Variants in EDN1 observed in about 807,000 individuals in gnomAD.
EDN1 encodes the protein endothelin 1, also known as endothelin-1.
In EDN1, 11 loss-of-function variants were observed where a neutral mutation model predicts 21.7. That is an observed-to-expected ratio of 0.51 (90% CI 0.32 to 0.84). The LOEUF (loss-of-function observed/expected upper bound fraction) is 0.84, where lower values mean the gene tolerates loss of function less well. Among genes scored for constraint, EDN1 ranks in the 40% least tolerant of loss-of-function variants. The pLI is 0.03. For synonymous variants in EDN1, 85 were observed against 90.6 expected (o/e 0.94, Z 0.35); for missense variants, 244 against 262.3 (o/e 0.93, Z 0.48).
At chr6:12,275,612 A>G in the EDN1 span, among the ~76,000 whole-genome samples, 1 of 152,142 alleles carries the variant, frequency 6.6e-6, no homozygotes, top group Non-Finnish European at 1.5e-5. Context: ...TATAAATGTA[A>G]CGTTTCTCAC....
chr6:12,253,631 A>G, the EDN1 span, among the ~76,000 whole-genome samples: 5 of 152,350 alleles, frequency 3.3e-5, no homozygotes, highest in East Asian at 9.6e-4. Flanking sequence ...TAGAAAAATT[A>G]TTGCTTAGAC....
At chr6:12,292,663 A>T (rs186713589) in intron 2 of EDN1, 154 bp downstream of exon 2, 955 of 933,922 alleles carry the variant, frequency 1.0e-3, no homozygotes, top group Admixed American at 1.4e-3. Context: ...TATTCCTGAA[A>T]ATAACGACAG....
At chr6:12,270,922 T>TAATA in the EDN1 span, among the ~76,000 whole-genome samples, 1 of 152,214 alleles carries the variant, frequency 6.6e-6, no homozygotes, top group Non-Finnish European at 1.5e-5. Context: ...CCTTTAGATC[T>TAATA]AATAATATTT....
chr6:12,232,596 C>T, the EDN1 span, among the ~76,000 whole-genome samples: 19 of 152,064 alleles, frequency 1.2e-4, no homozygotes, highest in South Asian at 4.1e-4. Flanking sequence ...TCTGCCTTAC[C>T]GCAGTGTTAG....
At chr6:12,278,316 A>G in the EDN1 span, among the ~76,000 whole-genome samples, 2 of 152,162 alleles carry the variant, frequency 1.3e-5, no homozygotes, top group African/African-American at 4.8e-5. Context: ...AAACCTCATC[A>G]GTTCTCAGAG....
At chr6:12,233,342 A>G in the EDN1 span, among the ~76,000 whole-genome samples, 4 of 152,224 alleles carry the variant, frequency 2.6e-5, no homozygotes, top group Admixed American at 2.6e-4. Context: ...AGGGAAAAAC[A>G]AGACTGATTC....
the EDN1 span, among the ~76,000 whole-genome samples, chr6:12,241,100 C>T: frequency 7.2e-5 from 11 of 151,892 alleles, no homozygotes; most frequent in African/African-American, 2.7e-4. Context: ...ATCCTTACTG[C>T]TCTTGGAAGA....
the EDN1 span, among the ~76,000 whole-genome samples, chr6:12,254,777 TA>T: frequency 6.6e-6 from 1 of 152,152 alleles, no homozygotes; most frequent in Admixed American, 6.5e-5. Flanking sequence ...AGAGAAGTTG[TA>T]TGCACTCAAT....
chr6:12,246,733 T>C, the EDN1 span, among the ~76,000 whole-genome samples: 2 of 152,200 alleles, frequency 1.3e-5, no homozygotes, highest in African/African-American at 4.8e-5. Context: ...TGAAAAGTGA[T>C]GTAAACTCTT....
At chr6:12,263,067 A>G in the EDN1 span, among the ~76,000 whole-genome samples, 1 of 152,156 alleles carries the variant, frequency 6.6e-6, no homozygotes, top group Non-Finnish European at 1.5e-5. Context: ...CAGGACACAT[A>G]ACTGTGAAGA....
rs200759992 is a variant in EDN1 at position 12,292,412 on chromosome 6, C to A, written c.136C>A (p.Arg46=). Residue 46 remains arginine, a synonymous_variant, in exon 2 of 5, where the codon CGG becomes AGG. Coordinates refer to ENST00000379375, the MANE Select transcript of EDN1 (RefSeq NM_001955.5). ...GEKPTPSPPW[R]LRRSKRCSCS... ...GAAACCCACTCCCAGTCCACCCTGG[C>A]GGCTCCGCCGGTCCAAGCGCTGCTC... The A allele has an allele frequency of 2.8e-4, 444 of 1,613,990 alleles. No individual in the cohort carries two copies. Among genetic ancestry groups the A allele is most frequent in the Non-Finnish European group, 3.3e-4 (395 of 1,180,050 alleles).
chr6:12,283,317 G>A, the EDN1 span, among the ~76,000 whole-genome samples: 3 of 152,046 alleles, frequency 2.0e-5, no homozygotes, highest in Non-Finnish European at 4.4e-5. Flanking sequence ...GAGTGTGGAA[G>A]GAATAATTAC....
At chr6:12,284,344 T>C in the EDN1 span, among the ~76,000 whole-genome samples, 1 of 152,042 alleles carries the variant, frequency 6.6e-6, no homozygotes, top group Non-Finnish European at 1.5e-5. Flanking sequence ...GCCACTAAAT[T>C]TGATGTGCCA....
At chr6:12,293,062 A>G (rs750904132) in intron 2 of EDN1, among the ~76,000 whole-genome samples, 1 of 152,226 alleles carries the variant, frequency 6.6e-6, no homozygotes, top group Non-Finnish European at 1.5e-5. Context: ...AGAAATGCCC[A>G]TTTCAGAACT....
At chr6:12,264,807 T>C in the EDN1 span, among the ~76,000 whole-genome samples, 1 of 152,294 alleles carries the variant, frequency 6.6e-6, no homozygotes, top group African/African-American at 2.4e-5. Context: ...GAAGATGAAC[T>C]GGGCAGTAGG....
At chr6:12,250,319 A>G in the EDN1 span, among the ~76,000 whole-genome samples, 33 of 152,280 alleles carry the variant, frequency 2.2e-4, no homozygotes, top group African/African-American at 7.5e-4. Flanking sequence ...AGACTTGACC[A>G]TGGAATTGAT....
chr6:12,234,066 A>G, the EDN1 span, among the ~76,000 whole-genome samples: 1 of 152,214 alleles, frequency 6.6e-6, no homozygotes, highest in African/African-American at 2.4e-5. Context: ...GAGCCCACCT[A>G]TACATCTGTA....
chr6:12,231,796 C>A, the EDN1 span, among the ~76,000 whole-genome samples: 1 of 151,482 alleles, frequency 6.6e-6, no homozygotes, highest in South Asian at 2.1e-4. Context: ...GGTAATTTTT[C>A]TTTATAATAA....
At chr6:12,295,068 C>T (rs1467288243) in intron 4 of EDN1, among the ~76,000 whole-genome samples, 1 of 151,964 alleles carries the variant, frequency 6.6e-6, no homozygotes, top group Non-Finnish European at 1.5e-5. Flanking sequence ...CTCTGAGCTG[C>T]TCTTTGGTGA....
Sources: gnomAD v4.1 joint callset for allele counts (sites outside exome capture counted in the v4.1 genomes callset) on GRCh38, gnomAD v4.1.1 for gene constraint, MANE v1.5 for transcripts, NCBI Gene and HGNC (gene_info 2026-07-23, HGNC 2026-07-21) for gene names.